Variants in CDH18 observed in about 807,000 individuals in gnomAD.
CDH18 encodes the protein cadherin 18.
Under a neutral mutation model 67.9 loss-of-function variants are expected in CDH18, and 31 were observed. The ratio of observed to expected loss-of-function variants is 0.46; its 90% CI spans 0.34 to 0.62. The LOEUF (loss-of-function observed/expected upper bound fraction) is 0.62, where lower values mean the gene tolerates loss of function less well. CDH18 is among the 20% of genes least tolerant of loss of function. CDH18 has a pLI of 0.01. For synonymous variants in CDH18, 362 were observed against 347.2 expected, an observed-to-expected ratio of 1.04 and a Z score of -0.48; for missense variants, 890 against 975.5, an observed-to-expected ratio of 0.91 and a Z score of 1.17.
chr5:20,372,698 T>C (rs1000622252), intron 1 of CDH18, among the ~76,000 whole-genome samples: 48 of 152,214 alleles, frequency 3.2e-4, no homozygotes, highest in African/African-American at 1.2e-3. Flanking sequence ...GTAAGCATGA[T>C]AGCAAACATT....
chr5:20,400,694 G>A (rs929384542), intron 1 of CDH18, among the ~76,000 whole-genome samples: 3 of 151,976 alleles, frequency 2.0e-5, no homozygotes, highest in East Asian at 1.9e-4. Flanking sequence ...CCCAAGAGGC[G>A]GAGGTTGCAG....
chr5:19,994,267 A>G (rs994618021), intron 2 of CDH18, among the ~76,000 whole-genome samples: 2 of 148,150 alleles, frequency 1.3e-5, no homozygotes, highest in Non-Finnish European at 1.5e-5. Context: ...ATACACATAT[A>G]TGTATACATA....
chr5:20,130,397 C>T (rs1246537271), intron 2 of CDH18, among the ~76,000 whole-genome samples: 1 of 61,786 alleles, frequency 1.6e-5, no homozygotes, highest in Non-Finnish European at 4.2e-5. Context: ...TTCTCTCTTC[C>T]TTAGTTTTTT....
chr5:19,666,343 A>C (rs1470313053), intron 5 of CDH18, among the ~76,000 whole-genome samples: 1 of 150,892 alleles, frequency 6.6e-6, no homozygotes, highest in Non-Finnish European at 1.5e-5. Context: ...CCTGGGCTCA[A>C]GCAATCCTCC....
intron 1 of CDH18, among the ~76,000 whole-genome samples, chr5:20,467,567 G>A (rs1751723912): frequency 6.6e-6 from 1 of 152,164 alleles, no homozygotes; most frequent in African/African-American, 2.4e-5. Flanking sequence ...AGAGAGAAGT[G>A]AGAAGGCTTT....
intron 2 of CDH18, among the ~76,000 whole-genome samples, chr5:20,254,430 A>G (rs1744078915): frequency 6.6e-6 from 1 of 152,174 alleles, no homozygotes; most frequent in Non-Finnish European, 1.5e-5. Flanking sequence ...ATTCTTAAAG[A>G]AAAGAAAATA....
At chr5:20,031,205 A>T (rs1473116893) in intron 2 of CDH18, among the ~76,000 whole-genome samples, 1 of 152,056 alleles carries the variant, frequency 6.6e-6, no homozygotes, top group Non-Finnish European at 1.5e-5. Context: ...CGTTGGACTT[A>T]ATTTTATCTC....
At chr5:20,159,796 A>T (rs1299474457) in intron 2 of CDH18, among the ~76,000 whole-genome samples, 2 of 152,154 alleles carry the variant, frequency 1.3e-5, no homozygotes, top group African/African-American at 4.8e-5. Context: ...TCTGAGAACT[A>T]TGGCTTCTCT....
intron 2 of CDH18, among the ~76,000 whole-genome samples, chr5:19,950,682 G>C (rs1408179676): frequency 1.3e-5 from 2 of 152,024 alleles, no homozygotes; most frequent in Admixed American, 6.6e-5. Flanking sequence ...CCAAATAAAA[G>C]TTGATATCGA....
intron 1 of CDH18, among the ~76,000 whole-genome samples, chr5:20,465,531 T>C (rs1448797258): frequency 6.6e-6 from 1 of 152,078 alleles, no homozygotes; most frequent in Non-Finnish European, 1.5e-5. Context: ...TATTTAAAAT[T>C]TGTATGTTAA....
At chr5:20,139,841 G>T (rs1292980354) in intron 2 of CDH18, among the ~76,000 whole-genome samples, 2 of 152,200 alleles carry the variant, frequency 1.3e-5, no homozygotes, top group Non-Finnish European at 2.9e-5. Context: ...AGGATGTGGA[G>T]AAATCAGAAC....
At chr5:20,245,345 C>A (rs547366912) in intron 2 of CDH18, among the ~76,000 whole-genome samples, 1 of 151,888 alleles carries the variant, frequency 6.6e-6, no homozygotes, top group African/African-American at 2.4e-5. Context: ...AATCCAAGAA[C>A]AAATATTATG....
intron 2 of CDH18, among the ~76,000 whole-genome samples, chr5:19,937,830 T>A (rs1295892627): frequency 1.3e-5 from 2 of 150,922 alleles, no homozygotes; most frequent in Non-Finnish European, 3.0e-5. Context: ...ATTAAATAAG[T>A]ATATAATAAA....
chr5:20,372,339 T>C (rs918639043), intron 1 of CDH18, among the ~76,000 whole-genome samples: 4 of 152,134 alleles, frequency 2.6e-5, no homozygotes, highest in African/African-American at 9.7e-5. Flanking sequence ...ATCTTTTTTG[T>C]CTTAAAAACA....
chr5:19,882,857 A>C (rs1787798694), intron 2 of CDH18, among the ~76,000 whole-genome samples: 1 of 152,204 alleles, frequency 6.6e-6, no homozygotes, highest in Admixed American at 6.5e-5. Flanking sequence ...AGAAGCAAGA[A>C]CTATGAAATT....
chr5:19,475,932 G>T (rs1218509803), intron 12 of CDH18, among the ~76,000 whole-genome samples: 1 of 151,882 alleles, frequency 6.6e-6, no homozygotes, highest in Non-Finnish European at 1.5e-5. Context: ...TATCATTATG[G>T]TTACTTTGTT....
chr5:20,454,650 T>C (rs1750704649), intron 1 of CDH18, among the ~76,000 whole-genome samples: 1 of 152,116 alleles, frequency 6.6e-6, no homozygotes, highest in Non-Finnish European at 1.5e-5. Context: ...TACTGTTTCA[T>C]GAATGCTGGC....
intron 1 of CDH18, among the ~76,000 whole-genome samples, chr5:20,264,284 T>C (rs1257990305): frequency 6.6e-6 from 1 of 152,110 alleles, no homozygotes; most frequent in African/African-American, 2.4e-5. Flanking sequence ...CTAGTTTGCA[T>C]ATTGAGTTCT....
chr5:19,824,866 AT>A (rs1198101955), intron 3 of CDH18, among the ~76,000 whole-genome samples: 1 of 152,114 alleles, frequency 6.6e-6, no homozygotes, highest in African/African-American at 2.4e-5. Flanking sequence ...TTGCATCTGT[AT>A]GGATTCAACC....
Sources: allele counts gnomAD v4.1 joint callset (sites outside exome capture counted in the v4.1 genomes callset), GRCh38; gene constraint gnomAD v4.1.1; transcripts MANE v1.5; gene names NCBI Gene and HGNC (gene_info 2026-07-23, HGNC 2026-07-21).